The following TCP11L2 variants were observed in gnomAD, a reference collection of about 807,000 sequenced individuals.
TCP11L2 encodes t-complex 11 like 2, also known as T-complex protein 11-like protein 2.
TCP11L2 carries 39 observed loss-of-function variants against 50.7 expected under a neutral mutation model. The ratio of observed to expected loss-of-function variants is 0.77; its 90% confidence interval spans 0.60 to 1.01. TCP11L2 has a LOEUF of 1.01. Among genes scored for constraint, TCP11L2 ranks in the 50% least tolerant of loss-of-function variants. The probability of loss-of-function intolerance (pLI) is 0.00; values close to 1 mark genes in which losing one functional copy is unlikely to be tolerated. For synonymous variants in TCP11L2, 192 were observed against 219.3 expected (o/e 0.88, Z 1.10); for missense variants, 612 against 614.7 (o/e 1.00, Z 0.05).
chr12:106,316,544 G>A (rs1344302345), intron 3 of TCP11L2, among the ~76,000 whole-genome samples: 2 of 151,952 alleles, frequency 1.3e-5, no homozygotes, highest in African/African-American at 4.8e-5. Context: ...CCTTCACATG[G>A]CTCTTTGCTC....
chr12:106,314,454 A>G lies in TCP11L2; in HGVS notation c.254A>G (p.Glu85Gly). Residue 85 changes from glutamate to glycine, a missense_variant, in exon 3 of 10, where the codon GAG becomes GGG. Transcript: ENST00000299045. ...CTTGCTCATGAGATTGCTGTAAATG[A>G]GAACTTTCAATTGAAACAAGAGGCT... ...LTLAHEIAVNENFQLKQEALP... is the reference protein window; with the variant it reads ...LTLAHEIAVNGNFQLKQEALP... 6.2e-7 allele frequency: 1 copy of G among 1,613,686 alleles called. No homozygotes were observed. The highest frequency in any genetic ancestry group is 1.1e-5 in the South Asian group (1 of 91,072).
At chr12:106,300,155 C>T (rs1432853577), upstream of TCP11L2, among the ~76,000 whole-genome samples, 3 of 151,322 alleles carry the variant, frequency 2.0e-5, no homozygotes, top group Non-Finnish European at 2.9e-5. Flanking sequence ...AAAGAGGTTG[C>T]CTTTTCAGAT....
At position 106,311,063 on chromosome 12, in the gene TCP11L2, TAAGTGACGC is replaced by T; in HGVS notation, c.-10_-2del. 2 of 1,613,716 alleles carry T rather than the reference TAAGTGACGC, an allele frequency of 1.2e-6. No individual in the cohort carries two copies. The highest frequency in any genetic ancestry group is 2.2e-5 in the South Asian group (2 of 91,018). ...CAGGTGCTACCTTTTTACCCACACT[TAAGTGACGC>T]AAAATGCCCTTCAATGGCGAGAAGC... On this transcript the variant is annotated 5_prime_UTR_variant, in exon 2 of 10. Transcript: ENST00000299045.
intron 8 of TCP11L2, among the ~76,000 whole-genome samples, chr12:106,340,533 G>A (rs968484454): frequency 2.0e-5 from 3 of 152,192 alleles, no homozygotes; most frequent in Admixed American, 2.0e-4. Flanking sequence ...CTTTCTGATA[G>A]CCCTGCAATA....
Position 106,323,566 on chromosome 12 carries a change from T to C in TCP11L2, c.692T>C (p.Met231Thr). Residue 231 changes from methionine (M) to threonine (T), a missense_variant, in exon 6 of 10, where the codon ATG becomes ACG. Met to Thr is a moderately conservative substitution (Grantham distance 81). Coordinates refer to ENST00000299045, the MANE Select transcript of TCP11L2 (RefSeq NM_152772.3). The part of the protein sequence containing the change: ...MQMDMANFTI[M>T]SLRPHLQRQL... ...ATGGACATGGCCAATTTTACAATTATGAGTCTCAGACCGCACCTTCAACGC... is the reference window on the plus strand; with the variant it reads ...ATGGACATGGCCAATTTTACAATTACGAGTCTCAGACCGCACCTTCAACGC... 1.9e-6 allele frequency: 3 copies of C among 1,609,918 alleles called. No individual in the cohort carries two copies. The highest frequency in any genetic ancestry group is 2.5e-6 in the Non-Finnish European group (3 of 1,178,180).
chr12:106,318,975 A>G (rs986818261), intron 4 of TCP11L2, among the ~76,000 whole-genome samples: 10 of 151,570 alleles, frequency 6.6e-5, no homozygotes, highest in Non-Finnish European at 1.3e-4. Flanking sequence ...GCAGTGGCGC[A>G]ATCTCGGCTC....
intron 8 of TCP11L2, among the ~76,000 whole-genome samples, chr12:106,338,180 CTTTTA>C (rs1385278879): frequency 6.6e-6 from 1 of 151,976 alleles, no homozygotes; most frequent in Non-Finnish European, 1.5e-5. Flanking sequence ...CCTTTTTCAA[CTTTTA>C]TTTTAGGTGT....
At chr12:106,339,014 G>A (rs984426602) in intron 8 of TCP11L2, among the ~76,000 whole-genome samples, 3 of 152,160 alleles carry the variant, frequency 2.0e-5, no homozygotes, top group Admixed American at 6.5e-5. Context: ...GCATGGTGGC[G>A]CATGCCTGTA....
rs554592475 is a variant in TCP11L2, at chr12:106,343,505, C to G, written c.1315+2507C>G. Among the ~76,000 whole-genome samples the G allele has an allele frequency of 2.0e-5, 3 of 152,072 alleles. No homozygotes were observed. The South Asian group carries it at 6.2e-4, about 32-fold the overall frequency. On this transcript the variant is annotated intron_variant, in intron 9 of 9. Coordinates refer to ENST00000299045, the MANE Select transcript of TCP11L2 (RefSeq NM_152772.3). ...TGCTTTCTTTTGTTCTCAGTTGATG[C>G]GCTATTTATTTACTGAAGGGATCAT...
intron 1 of TCP11L2, chr12:106,303,456 C>G (rs1005794249): frequency 6.6e-6 from 1 of 152,388 alleles, no homozygotes; most frequent in Non-Finnish European, 1.5e-5. Context: ...GACAGGAAAC[C>G]TGGTGCTGCT....
upstream of TCP11L2, among the ~76,000 whole-genome samples, chr12:106,301,661 C>G (rs894395030): frequency 6.6e-6 from 1 of 152,218 alleles, no homozygotes; most frequent in African/African-American, 2.4e-5. Flanking sequence ...TCTATACAAA[C>G]TTCATGTAAG....
chr12:106,310,709 C>T (rs981302004), intron 1 of TCP11L2, among the ~76,000 whole-genome samples: 3 of 152,204 alleles, frequency 2.0e-5, no homozygotes, highest in African/African-American at 7.2e-5. Flanking sequence ...CACACTCCCG[C>T]CTTCTCATGT....
At chr12:106,299,059 A>G (rs1386026792), upstream of TCP11L2, among the ~76,000 whole-genome samples, 2 of 151,472 alleles carry the variant, frequency 1.3e-5, no homozygotes, top group East Asian at 3.9e-4. Flanking sequence ...CAGGTGATCC[A>G]CCCACCTCAG....
intron 9 of TCP11L2, among the ~76,000 whole-genome samples, chr12:106,344,883 T>C (rs1468448141): frequency 6.6e-6 from 1 of 152,198 alleles, no homozygotes; most frequent in African/African-American, 2.4e-5. Flanking sequence ...TCAAATACAT[T>C]GAGGCAGTGA....
intron 6 of TCP11L2, among the ~76,000 whole-genome samples, chr12:106,329,076 CA>C (rs111309297): frequency 3.5e-5 from 5 of 143,558 alleles, no homozygotes; most frequent in African/African-American, 2.5e-5. Context: ...TGTTGCCAGG[CA>C]AAAAAAAAAG....
At chr12:106,335,538 C>T (rs950007673) in intron 6 of TCP11L2, 101 bp from the exon 7 acceptor site, 11 of 1,241,730 alleles carry the variant, frequency 8.9e-6, no homozygotes, top group Non-Finnish European at 1.2e-5. Flanking sequence ...GCTGTGTCTT[C>T]TCATTCATGC....
Position 106,346,536 on chromosome 12 carries a change from A to G in TCP11L2, c.*6A>G, listed in dbSNP as rs1167256273. ...CTTCACCTCCTACTAACTAAAGAAG[A>G]ACTGACATTGGACGAGAGATTGGAA... On this transcript the variant is annotated 3_prime_UTR_variant, in exon 10 of 10. Coordinates refer to ENST00000299045, the MANE Select transcript of TCP11L2 (RefSeq NM_152772.3). 6.2e-7 allele frequency: 1 copy of G among 1,608,494 alleles called. No individual in the cohort carries two copies. The highest frequency in any genetic ancestry group is 1.7e-5 in the Admixed American group (1 of 59,424).
At position 106,333,558 on chromosome 12, in the gene TCP11L2, C is replaced by T. The variant is rs991469063; in HGVS notation, c.773-2081C>T. Among the ~76,000 whole-genome samples, 6 of 152,004 alleles carry T rather than the reference C, an allele frequency of 3.9e-5. No homozygotes were observed. In the South Asian group the frequency reaches 8.3e-4, roughly 21 times the overall value. Reference sequence around the variant, plus strand: ...TATCTTGTTTTAGGTGGTAGTTGCACAGGTATATAGAATAGCCAAAACTCA... The same window carrying T: ...TATCTTGTTTTAGGTGGTAGTTGCATAGGTATATAGAATAGCCAAAACTCA... On this transcript the variant is annotated intron_variant, in intron 6 of 9. Transcript: ENST00000299045.
chr12:106,306,865 A>G (rs1006417416), intron 1 of TCP11L2, among the ~76,000 whole-genome samples: 7 of 152,184 alleles, frequency 4.6e-5, no homozygotes, highest in Non-Finnish European at 1.0e-4. Context: ...AACCCAGTCC[A>G]CCTAGCTCCA....
Sources: gnomAD v4.1 joint callset for allele counts (sites outside exome capture counted in the v4.1 genomes callset) on GRCh38, gnomAD v4.1.1 for gene constraint, MANE v1.5 for transcripts, NCBI Gene and HGNC (gene_info 2026-07-23, HGNC 2026-07-21) for gene names.